TTC29: variants seen among roughly 807,000 people sequenced by gnomAD.
TTC29 encodes the protein tetratricopeptide repeat domain 29, also known as tetratricopeptide repeat protein 29.
In TTC29, 49 loss-of-function variants were observed where a neutral mutation model predicts 58.1. That is an observed-to-expected ratio of 0.84 (90% CI 0.67 to 1.07). The LOEUF (loss-of-function observed/expected upper bound fraction) is 1.07, where lower values mean the gene tolerates loss of function less well. Among genes scored for constraint, TTC29 ranks in the 50% least tolerant of loss-of-function variants. The pLI, the probability that TTC29 is intolerant of heterozygous loss-of-function variation, is 0.00. For synonymous variants in TTC29, 209 were observed against 196.8 expected, an observed-to-expected ratio of 1.06 and a Z score of -0.52; for missense variants, 582 against 555.6, an observed-to-expected ratio of 1.05 and a Z score of -0.48.
chr4:146,939,882 G>T lies in TTC29; in HGVS notation c.14C>A (p.Pro5His), dbSNP rs1736207081. The T allele has an allele frequency of 1.9e-6, 3 of 1,611,536 alleles. No individual in the cohort carries two copies. The highest frequency in any genetic ancestry group is 2.5e-6 in the Non-Finnish European group (3 of 1,179,294). ...CTTCGGGCGTGTCATGGGCAGTGGGGGCAGGGTGGTCATTTCGGACTACAA... is the reference window on the plus strand; with the variant it reads ...CTTCGGGCGTGTCATGGGCAGTGGGTGCAGGGTGGTCATTTCGGACTACAA... The part of the protein sequence containing the change: MTTL[P>H]PLPMTRPKLT... Residue 5 changes from proline to histidine, a missense_variant, in exon 3 of 13, where the codon CCC (proline) becomes CAC (histidine). Transcript: ENST00000325106.
intron 11 of TTC29, among the ~76,000 whole-genome samples, chr4:146,781,991 C>A (rs1748640538): frequency 6.6e-6 from 1 of 151,502 alleles, no homozygotes; most frequent in Admixed American, 6.6e-5. Context: ...CGGCCAATTT[C>A]TATCAAATAG....
At chr4:146,836,093 C>T (rs776689288) in intron 8 of TTC29, among the ~76,000 whole-genome samples, 1 of 152,088 alleles carries the variant, frequency 6.6e-6, no homozygotes, top group Non-Finnish European at 1.5e-5. Flanking sequence ...AGTTGAATTT[C>T]CTCATAGTAA....
intron 11 of TTC29, among the ~76,000 whole-genome samples, chr4:146,728,827 A>ATATATACACACATATATGTATATATACG (rs1561066581): frequency 1.5e-5 from 1 of 67,796 alleles, no homozygotes; most frequent in Non-Finnish European, 3.2e-5. Flanking sequence ...GTATATATAC[A>ATATATACACACATATATGTATATATACG]TATATATACA....
intron 11 of TTC29, among the ~76,000 whole-genome samples, chr4:146,795,397 A>T (rs1749766858): frequency 6.6e-6 from 1 of 152,146 alleles, no homozygotes; most frequent in Non-Finnish European, 1.5e-5. Context: ...CATCACCAGG[A>T]GGCAGACATC....
In TTC29 at chr4:146,782,446, A is replaced by T. The variant is rs570358076; in HGVS notation, c.1330+21011T>A. ...GAATAGCAAGATAAAATGATTGTTA[A>T]TTACATTCCTGTAAAGTTACTTAAG... is the stretch of plus-strand genomic sequence containing the variant. On this transcript the variant is annotated intron_variant, in intron 11 of 12. Coordinates refer to ENST00000325106, the MANE Select transcript of TTC29 (RefSeq NM_031956.4). Among the ~76,000 whole-genome samples the T allele has an allele frequency of 2.6e-5, 4 of 152,068 alleles. No individual in the cohort carries two copies. In the East Asian group the frequency reaches 7.7e-4, roughly 29 times the overall value.
chr4:146,738,908 T>G (rs1458437429), intron 11 of TTC29, among the ~76,000 whole-genome samples: 1 of 152,198 alleles, frequency 6.6e-6, no homozygotes, highest in Non-Finnish European at 1.5e-5. Context: ...AGGGAGGGTA[T>G]GGATGCTCTG....
intron 6 of TTC29, among the ~76,000 whole-genome samples, chr4:146,891,944 C>A (rs1732394005): frequency 6.6e-6 from 1 of 152,142 alleles, no homozygotes; most frequent in Middle Eastern, 3.4e-3. Flanking sequence ...GTTCAGGCAC[C>A]CCTGATGTCT....
At chr4:146,747,859 C>G (rs1213116247) in intron 11 of TTC29, among the ~76,000 whole-genome samples, 1 of 152,184 alleles carries the variant, frequency 6.6e-6, no homozygotes, top group Admixed American at 6.5e-5. Flanking sequence ...CCAAATGGCC[C>G]CAGCACCCCA....
chr4:146,718,587 A>C (rs1453037992), intron 11 of TTC29, among the ~76,000 whole-genome samples: 1 of 151,708 alleles, frequency 6.6e-6, no homozygotes, highest in African/African-American at 2.4e-5. Flanking sequence ...GAGTTGTTTG[A>C]GTTTTTTATA....
At chr4:146,816,658 G>T (rs969511630) in intron 10 of TTC29, among the ~76,000 whole-genome samples, 2 of 151,896 alleles carry the variant, frequency 1.3e-5, no homozygotes, top group Non-Finnish European at 2.9e-5. Context: ...AAGAAAAGGG[G>T]ACTTTTTAGA....
At chr4:146,882,810 A>G (rs1475694247) in intron 6 of TTC29, among the ~76,000 whole-genome samples, 2 of 152,062 alleles carry the variant, frequency 1.3e-5, no homozygotes, top group African/African-American at 4.8e-5. Context: ...TGGATGATTA[A>G]CGTGTTATTT....
intron 4 of TTC29, chr4:146,934,294 G>C (rs534866813): frequency 9.2e-5 from 14 of 152,326 alleles, no homozygotes; most frequent in African/African-American, 3.4e-4. Flanking sequence ...AGTTGTAGCT[G>C]ATCGGGCATA....
chr4:146,939,260 G>A (rs1736136777), intron 3 of TTC29, among the ~76,000 whole-genome samples: 2 of 152,160 alleles, frequency 1.3e-5, no homozygotes, highest in Admixed American at 1.3e-4. Context: ...TTCAAGACCA[G>A]CCTGACCAAC....
At chr4:146,820,791 G>T (rs758341326) in intron 9 of TTC29, among the ~76,000 whole-genome samples, 1 of 152,128 alleles carries the variant, frequency 6.6e-6, no homozygotes, top group Non-Finnish European at 1.5e-5. Flanking sequence ...CCAGCACTTT[G>T]GGAGGCCCAG....
intron 7 of TTC29, 142 bp from the exon 8 acceptor site, chr4:146,867,725 A>G (rs1013671191): frequency 8.8e-6 from 4 of 455,064 alleles, no homozygotes; most frequent in African/African-American, 4.1e-5. Context: ...CTAGCTATAT[A>G]CTGAAAAAAA....
intron 11 of TTC29, among the ~76,000 whole-genome samples, chr4:146,800,707 A>T (rs1340179436): frequency 6.6e-6 from 1 of 152,192 alleles, no homozygotes; most frequent in African/African-American, 2.4e-5. Context: ...GTTTATGATT[A>T]GGGCATACAT....
intron 8 of TTC29, among the ~76,000 whole-genome samples, chr4:146,836,846 T>C (rs1407904668): frequency 6.6e-6 from 1 of 151,858 alleles, no homozygotes; most frequent in South Asian, 2.1e-4. Flanking sequence ...AAAAACAACA[T>C]ATGCTGGCAA....
intron 11 of TTC29, among the ~76,000 whole-genome samples, chr4:146,797,262 T>C (rs187694139): frequency 5.0e-4 from 76 of 152,360 alleles, no homozygotes; most frequent in African/African-American, 1.7e-3. Context: ...CAATGCGTTA[T>C]TATTTGTTTG....
intron 8 of TTC29, among the ~76,000 whole-genome samples, chr4:146,857,389 A>G (rs61601425): frequency 0.021 from 3,265 of 152,112 alleles, 126 homozygotes; most frequent in African/African-American, 0.073. Context: ...TCCCCAAGAA[A>G]GAGACTGCCT....
Sources: allele counts gnomAD v4.1 joint callset (sites outside exome capture counted in the v4.1 genomes callset), GRCh38; gene constraint gnomAD v4.1.1; transcripts MANE v1.5; gene names NCBI Gene and HGNC (gene_info 2026-07-23, HGNC 2026-07-21).